The following PLEKHA1 variants were observed in gnomAD, a reference collection of about 807,000 sequenced individuals.
PLEKHA1 encodes pleckstrin homology domain-containing family A member 1.
A neutral mutation model predicts 52.0 loss-of-function variants in PLEKHA1; 34 were observed. The observed-to-expected ratio is 0.65, with a 90% confidence interval of 0.50 to 0.87. PLEKHA1 has a LOEUF of 0.87. Among genes scored for constraint, PLEKHA1 ranks in the 40% least tolerant of loss-of-function variants. The pLI, the probability that PLEKHA1 is intolerant of heterozygous loss-of-function variation, is 0.00. For synonymous variants in PLEKHA1, 163 were observed against 170.7 expected (o/e 0.95, Z 0.35); for missense variants, 497 against 504.2 (o/e 0.99, Z 0.14).
chr10:122,429,181 A>G (rs1025223382), intron 11 of PLEKHA1, among the ~76,000 whole-genome samples: 7 of 152,230 alleles, frequency 4.6e-5, no homozygotes, highest in African/African-American at 1.4e-4. Flanking sequence ...GTTATAGTCT[A>G]TATTTTAATT....
rs1307349302 is a variant in PLEKHA1 at position 122,388,846 on chromosome 10, T to TGGTTTTGTGG, written c.-20-4335_-20-4334insGGTTTTGTGG. On this transcript the variant is annotated intron_variant, in intron 1 of 11. Transcript: ENST00000368990. ...GTGGCATTTCAAGAAACCACTTTTG[T>TGGTTTTGTGG]TTGCTCATCCATAGAAGCAACTTCT... 5.2e-3 allele frequency among the ~76,000 whole-genome samples: 786 copies of TGGTTTTGTGG among 152,312 alleles called. 8 individuals carry two copies. Among genetic ancestry groups the TGGTTTTGTGG allele is most frequent in the African/African-American group, 0.018 (755 of 41,572 alleles).
At chr10:122,438,711 G>A in the PLEKHA1 span, 7 of 152,186 alleles carry the variant, frequency 4.6e-5, no homozygotes, top group Non-Finnish European at 1.0e-4. Flanking sequence ...TTCAATAACT[G>A]ATAACTGTAG....
chr10:122,413,037 C>G lies in PLEKHA1; in HGVS notation c.460C>G (p.Pro154Ala). ...TGTTGGTGGCGTACCCATCATTACT[C>G]CCACTCAGGTAATTAAGTAACTCTT... ...DIVGGVPIIT[P>A]TQKEEVNECG... Residue 154 changes from proline to alanine, a missense_variant, in exon 6 of 12, where the codon CCC becomes GCC. Coordinates refer to ENST00000368990, the MANE Select transcript of PLEKHA1 (RefSeq NM_001001974.4). The G allele has an allele frequency of 6.2e-7, 1 of 1,611,766 alleles. No individual in the cohort carries two copies. The highest frequency in any genetic ancestry group is 8.5e-7 in the Non-Finnish European group (1 of 1,178,554).
At chr10:122,441,776 A>G in the PLEKHA1 span, 4 of 152,228 alleles carry the variant, frequency 2.6e-5, no homozygotes, top group African/African-American at 9.6e-5. Context: ...AAAGGTGGTT[A>G]CCACATATAA....
chr10:122,428,470 A>G, intron 11 of PLEKHA1: 3 of 1,315,678 alleles, frequency 2.3e-6, no homozygotes, highest in Admixed American at 6.1e-5. Context: ...GATTTTGTCA[A>G]TACTAACGCA....
chr10:122,392,619 C>G (rs1264812617), intron 1 of PLEKHA1, among the ~76,000 whole-genome samples: 2 of 152,066 alleles, frequency 1.3e-5, no homozygotes, highest in Non-Finnish European at 2.9e-5. Flanking sequence ...GGCTTTGACT[C>G]TTGGCCTACT....
chr10:122,380,327 T>C (rs1308640693), intron 1 of PLEKHA1, among the ~76,000 whole-genome samples: 2 of 152,226 alleles, frequency 1.3e-5, no homozygotes, highest in Non-Finnish European at 2.9e-5. Flanking sequence ...TCATGGAGCC[T>C]ACATTACAGT....
intron 11 of PLEKHA1, chr10:122,428,389 C>G (rs2097370887): frequency 6.5e-7 from 1 of 1,533,672 alleles, no homozygotes; most frequent in African/African-American, 1.4e-5. Context: ...AGTGGAGGGC[C>G]CAGACTTACT....
chr10:122,375,077 T>G (rs1252624920), intron 1 of PLEKHA1: 1 of 151,716 alleles, frequency 6.6e-6, no homozygotes, highest in Non-Finnish European at 1.5e-5. Flanking sequence ...GGGCGGCGTC[T>G]TCTTCCCGTG....
intron 8 of PLEKHA1, chr10:122,422,186 TTAA>T (rs1349994274): frequency 6.6e-6 from 1 of 152,132 alleles, no homozygotes; most frequent in Non-Finnish European, 1.5e-5. Context: ...AAAATTCTAT[TTAA>T]TATATGTAGA....
intron 2 of PLEKHA1, among the ~76,000 whole-genome samples, chr10:122,394,910 T>G (rs991304216): frequency 1.3e-5 from 2 of 152,194 alleles, no homozygotes; most frequent in African/African-American, 2.4e-5. Flanking sequence ...TACTACCCAT[T>G]TAGCAGAGCT....
chr10:122,385,311 C>CTTTTTTT (rs1196217497), intron 1 of PLEKHA1, among the ~76,000 whole-genome samples: 11 of 96,476 alleles, frequency 1.1e-4, no homozygotes, highest in East Asian at 6.1e-4. Flanking sequence ...TTGTGTCTGG[C>CTTTTTTT]TTTTTTTTTT....
In PLEKHA1 at chr10:122,393,077, T is replaced by A. The variant is rs2096798186; in HGVS notation, c.-20-104T>A. 3.6e-6 allele frequency: 3 copies of A among 826,144 alleles called. No individual in the cohort carries two copies. The highest frequency in any genetic ancestry group is 3.5e-5 in the African/African-American group (2 of 57,682). 51.2% of individuals were successfully genotyped at this position (826,144 alleles called of 1,614,324 possible). A position where few individuals can be genotyped will look rare whatever the true frequency, so the allele number is the denominator to read the frequency against. On this transcript the variant is annotated intron_variant, in intron 1 of 11. Transcript: ENST00000368990. This position sits in a 1 kb window ranked among gnomAD's most constrained non-coding sequence, Gnocchi z 4.5. ...GGTGTGTGTTCATTTTAATTGACCT[T>A]ACCTAATGTTGGCAAGTTGCCCCCT... is the stretch of plus-strand genomic sequence containing the variant.
the PLEKHA1 span, chr10:122,440,915 G>GT: frequency 1.3e-5 from 2 of 152,156 alleles, no homozygotes; most frequent in Admixed American, 1.3e-4. Flanking sequence ...CATACTTAAT[G>GT]TATGTTTGGT....
intron 6 of PLEKHA1, among the ~76,000 whole-genome samples, chr10:122,413,562 A>G (rs1034417960): frequency 3.3e-5 from 5 of 152,172 alleles, no homozygotes; most frequent in African/African-American, 9.6e-5. Flanking sequence ...TTTAAAATCT[A>G]TTTTTTCTAC....
the PLEKHA1 span, chr10:122,439,315 TTTTTC>T: frequency 2.0e-5 from 3 of 152,210 alleles, no homozygotes; most frequent in Non-Finnish European, 4.4e-5. Context: ...CTGGTCTGCA[TTTTTC>T]TTTTGTGTAG....
At chr10:122,418,061 T>G (rs2097204401) in intron 8 of PLEKHA1, 93 bp downstream of exon 8, 1 of 945,416 alleles carries the variant, frequency 1.1e-6, no homozygotes, top group South Asian at 1.9e-5. Flanking sequence ...GTTCTGTAGT[T>G]TCAGAATAAG....
At chr10:122,383,233 T>G (rs2096639372) in intron 1 of PLEKHA1, among the ~76,000 whole-genome samples, 1 of 152,002 alleles carries the variant, frequency 6.6e-6, no homozygotes, top group Non-Finnish European at 1.5e-5. Flanking sequence ...GTTTATTCCC[T>G]TCTCTAAAAA....
At chr10:122,403,553 A>G (rs1054608261) in intron 4 of PLEKHA1, among the ~76,000 whole-genome samples, 2 of 152,124 alleles carry the variant, frequency 1.3e-5, no homozygotes, top group Non-Finnish European at 2.9e-5. Flanking sequence ...TATTATTCAC[A>G]ATGAAACCCT....
Sources: gnomAD v4.1 joint callset for allele counts (sites outside exome capture counted in the v4.1 genomes callset) on GRCh38, gnomAD v4.1.1 for gene constraint, Gnocchi (gnomAD v3.1) non-coding constraint, MANE v1.5 for transcripts, NCBI Gene and HGNC (gene_info 2026-07-23, HGNC 2026-07-21) for gene names.